The following SLC41A2 variants were observed in gnomAD, a reference collection of about 807,000 sequenced individuals.
The protein encoded by SLC41A2 is SLC41A1-like 1.
SLC41A2 carries 32 observed loss-of-function variants against 58.3 expected under a neutral mutation model. The observed-to-expected ratio is 0.55, with a 90% CI of 0.41 to 0.74. SLC41A2 has a LOEUF of 0.74. Among genes scored for constraint, SLC41A2 ranks in the 30% least tolerant of loss-of-function variants. The pLI is 0.00. For synonymous variants in SLC41A2, 190 were observed against 235.0 expected (o/e 0.81, Z 1.75); for missense variants, 514 against 680.6 (o/e 0.76, Z 2.72).
At chr12:104,875,554 G>A (rs2044002287) in intron 6 of SLC41A2, among the ~76,000 whole-genome samples, 1 of 152,212 alleles carries the variant, frequency 6.6e-6, no homozygotes, top group Non-Finnish European at 1.5e-5. Context: ...TAACTCAGGA[G>A]GCTGAGGCAG....
chr12:104,926,318 C>A (rs191724316), intron 2 of SLC41A2, among the ~76,000 whole-genome samples: 2 of 152,080 alleles, frequency 1.3e-5, no homozygotes, highest in African/African-American at 2.4e-5. Context: ...ACCTACAAAT[C>A]GGCTAGACAT....
chr12:104,859,298 T>C (rs1191012189), intron 8 of SLC41A2, among the ~76,000 whole-genome samples: 2 of 152,228 alleles, frequency 1.3e-5, no homozygotes, highest in Admixed American at 6.5e-5. Context: ...TTAGGACCCA[T>C]GTAATAAAAA....
At chr12:104,840,531 A>C (rs1484192977) in intron 10 of SLC41A2, among the ~76,000 whole-genome samples, 1 of 152,208 alleles carries the variant, frequency 6.6e-6, no homozygotes, top group African/African-American at 2.4e-5. Flanking sequence ...AGAAAAATAA[A>C]CTCAAAAAGC....
At chr12:104,888,907 A>G in intron 5 of SLC41A2, 126 bp downstream of exon 5, 1 of 981,600 alleles carries the variant, frequency 1.0e-6, no homozygotes, top group Admixed American at 3.0e-5. Flanking sequence ...GGCATTTTTT[A>G]AGTTTGTAGA....
At chr12:104,951,389 G>T (rs925671208) in intron 1 of SLC41A2, 2 of 152,134 alleles carry the variant, frequency 1.3e-5, no homozygotes, top group Non-Finnish European at 2.9e-5. Flanking sequence ...TGGCATTCCA[G>T]TTTAAGATAC....
At chr12:104,878,379 C>G (rs138479479) in intron 6 of SLC41A2, among the ~76,000 whole-genome samples, 4,676 of 149,368 alleles carry the variant, frequency 0.031, 146 homozygotes, top group East Asian at 0.15. Context: ...TTGTTACATA[C>G]GTATACATGT....
At chr12:104,892,189 G>A (rs1467596195) in intron 4 of SLC41A2, among the ~76,000 whole-genome samples, 1 of 151,702 alleles carries the variant, frequency 6.6e-6, no homozygotes, top group Non-Finnish European at 1.5e-5. Context: ...AATCCCAGCT[G>A]AGGTGGGAGA....
intron 3 of SLC41A2, among the ~76,000 whole-genome samples, chr12:104,899,132 G>C (rs1490303688): frequency 6.6e-6 from 1 of 151,844 alleles, no homozygotes. Context: ...TTTTTTTATA[G>C]TTACTAGTTC....
intron 7 of SLC41A2, among the ~76,000 whole-genome samples, chr12:104,861,677 T>G (rs185136031): frequency 5.3e-5 from 8 of 152,212 alleles, no homozygotes; most frequent in Non-Finnish European, 1.0e-4. Context: ...TTATTAACCA[T>G]GTCTATTTCT....
chr12:104,934,774 G>A (rs77787215), intron 1 of SLC41A2, among the ~76,000 whole-genome samples: 4,655 of 152,234 alleles, frequency 0.031, 137 homozygotes, highest in East Asian at 0.15. Context: ...ATTGAAATAA[G>A]CTAGGCACAG....
intron 2 of SLC41A2, among the ~76,000 whole-genome samples, chr12:104,925,441 C>A (rs2046794879): frequency 6.6e-6 from 1 of 152,050 alleles, no homozygotes; most frequent in Non-Finnish European, 1.5e-5. Context: ...GCCTGTAGTC[C>A]CAGCTACTTG....
chr12:104,818,800 C>A (rs924328250), intron 10 of SLC41A2, among the ~76,000 whole-genome samples: 5 of 152,036 alleles, frequency 3.3e-5, no homozygotes, highest in Non-Finnish European at 7.4e-5. Flanking sequence ...TTGTTTGAAC[C>A]CAGGGGGCAG....
intron 6 of SLC41A2, among the ~76,000 whole-genome samples, chr12:104,878,045 T>C (rs995740149): frequency 1.1e-4 from 16 of 151,762 alleles, no homozygotes; most frequent in African/African-American, 3.9e-4. Context: ...TTAAATAAAA[T>C]TGTAAAGGTC....
intron 2 of SLC41A2, among the ~76,000 whole-genome samples, chr12:104,913,151 T>A (rs2046158642): frequency 6.6e-6 from 1 of 152,180 alleles, no homozygotes; most frequent in Non-Finnish European, 1.5e-5. Context: ...TCTCCTATCT[T>A]GTGCCAAAAA....
chr12:104,812,088 A>AGACTT (rs2041196252), intron 10 of SLC41A2, among the ~76,000 whole-genome samples: 1 of 152,240 alleles, frequency 6.6e-6, no homozygotes, highest in Non-Finnish European at 1.5e-5. Flanking sequence ...GGATTCCTCT[A>AGACTT]GACTTGTATT....
chr12:104,878,148 A>G (rs1024861568), intron 6 of SLC41A2, among the ~76,000 whole-genome samples: 1 of 151,906 alleles, frequency 6.6e-6, no homozygotes, highest in East Asian at 1.9e-4. Flanking sequence ...GTTTATCATG[A>G]TAACATTCTT....
chr12:104,945,973 C>T (rs1175055267), intron 1 of SLC41A2, among the ~76,000 whole-genome samples: 9 of 152,280 alleles, frequency 5.9e-5, no homozygotes, highest in East Asian at 3.9e-4. Context: ...ATGAAAATAA[C>T]GCCAAACAAA....
chr12:104,815,334 T>C (rs1371697626), intron 10 of SLC41A2, among the ~76,000 whole-genome samples: 1 of 152,252 alleles, frequency 6.6e-6, no homozygotes, highest in Non-Finnish European at 1.5e-5. Context: ...ATCATCTGTT[T>C]GTTCTTTATG....
At chr12:104,832,382 C>T (rs2042068058) in intron 10 of SLC41A2, among the ~76,000 whole-genome samples, 1 of 152,158 alleles carries the variant, frequency 6.6e-6, no homozygotes, top group Non-Finnish European at 1.5e-5. Flanking sequence ...TATGACTCCC[C>T]AGTACCCTTG....
Sources: gnomAD v4.1 joint callset for allele counts (sites outside exome capture counted in the v4.1 genomes callset) on GRCh38, gnomAD v4.1.1 for gene constraint, MANE v1.5 for transcripts, NCBI Gene and HGNC (gene_info 2026-07-23, HGNC 2026-07-21) for gene names.